Variants in NREP observed in about 807,000 individuals in gnomAD.
NREP encodes the protein neuronal regeneration-related protein.
NREP carries 5 observed loss-of-function variants against 8.6 expected under a neutral mutation model. The observed-to-expected ratio is 0.58, with a 90% CI of 0.30 to 1.22. NREP has a LOEUF of 1.22. Ranked by LOEUF, NREP falls within the 50% of genes most tolerant of loss-of-function variation. The probability of loss-of-function intolerance (pLI) is 0.07; values close to 1 mark genes in which losing one functional copy is unlikely to be tolerated. For synonymous variants in NREP, 27 were observed against 28.0 expected, an observed-to-expected ratio of 0.96 and a Z score of 0.11; for missense variants, 86 against 82.5, an observed-to-expected ratio of 1.04 and a Z score of -0.17.
intron 2 of NREP, among the ~76,000 whole-genome samples, chr5:111,805,593 T>C (rs557017500): frequency 6.6e-6 from 1 of 152,222 alleles, no homozygotes; most frequent in Non-Finnish European, 1.5e-5. Context: ...TGCACACGTA[T>C]GTACATATAT....
At chr5:111,965,155 G>A (rs1337575672) in intron 2 of NREP, among the ~76,000 whole-genome samples, 2 of 152,004 alleles carry the variant, frequency 1.3e-5, no homozygotes, top group East Asian at 3.9e-4. Flanking sequence ...ACTACACCCG[G>A]AGAGAGAAGA....
chr5:111,803,254 T>A (rs148519533), intron 2 of NREP, among the ~76,000 whole-genome samples: 1 of 152,280 alleles, frequency 6.6e-6, no homozygotes, highest in Non-Finnish European at 1.5e-5. Context: ...TGAGAGTAGG[T>A]AAACCCTTCA....
At chr5:111,880,214 T>G (rs923605386) in intron 2 of NREP, among the ~76,000 whole-genome samples, 1 of 152,186 alleles carries the variant, frequency 6.6e-6, no homozygotes, top group African/African-American at 2.4e-5. Flanking sequence ...GGTACCTACC[T>G]CATTGGGTTA....
chr5:111,919,973 A>ACC (rs34120230), intron 2 of NREP, among the ~76,000 whole-genome samples: 2 of 127,518 alleles, frequency 1.6e-5, no homozygotes, highest in South Asian at 6.4e-4. Flanking sequence ...TAAAAAGAAT[A>ACC]CCCCCCCCCC....
intron 2 of NREP, among the ~76,000 whole-genome samples, chr5:111,878,489 T>C (rs1265488261): frequency 6.6e-6 from 1 of 152,180 alleles, no homozygotes; most frequent in Non-Finnish European, 1.5e-5. Context: ...GCATCCATGA[T>C]TCAATCACCT....
intron 2 of NREP, among the ~76,000 whole-genome samples, chr5:111,965,081 T>G (rs915255720): frequency 6.6e-6 from 1 of 152,066 alleles, no homozygotes; most frequent in East Asian, 1.9e-4. Flanking sequence ...CACTTTGCTC[T>G]CAGGCCAGGC....
chr5:111,740,824 A>G (rs1056217003), intron 2 of NREP, among the ~76,000 whole-genome samples: 1 of 152,224 alleles, frequency 6.6e-6, no homozygotes, highest in Non-Finnish European at 1.5e-5. Flanking sequence ...CATTGCAGGT[A>G]AAATTTGAAT....
At chr5:111,737,954 T>C (rs1490978665) in intron 2 of NREP, among the ~76,000 whole-genome samples, 1 of 152,176 alleles carries the variant, frequency 6.6e-6, no homozygotes, top group Non-Finnish European at 1.5e-5. Flanking sequence ...AAAATGAACG[T>C]TGCTTTGGCC....
At chr5:111,809,870 CGTGTGT>C (rs3223253) in intron 2 of NREP, among the ~76,000 whole-genome samples, 10,874 of 143,838 alleles carry the variant, frequency 0.076, 427 homozygotes, top group African/African-American at 0.091. Flanking sequence ...GGGACTTTGG[CGTGTGT>C]GTGTGTGTGT....
Position 111,755,788 on chromosome 5 carries a change from C to T in NREP, c.-16G>A, listed in dbSNP as rs1461737239. On this transcript the variant is annotated 5_prime_UTR_variant, in exon 2 of 4. Coordinates refer to ENST00000257435, the MANE Select transcript of NREP (RefSeq NM_004772.4). ...GTCTTACCATTTTGAGAATCTTAGT[C>T]TTGGGCTTCTATTCTCCCTCTCTTC... The T allele has an allele frequency of 6.2e-7, 1 of 1,613,878 alleles. No individual in the cohort carries two copies. Among genetic ancestry groups the T allele is most frequent in the Non-Finnish European group, 8.5e-7 (1 of 1,179,808 alleles).
intron 2 of NREP, among the ~76,000 whole-genome samples, chr5:111,950,042 C>T (rs1756109859): frequency 6.6e-6 from 1 of 152,060 alleles, no homozygotes; most frequent in African/African-American, 2.4e-5. Flanking sequence ...TTTACACTCC[C>T]ACCAACAGTG....
At chr5:111,920,864 G>C (rs1755218759) in intron 2 of NREP, among the ~76,000 whole-genome samples, 1 of 152,144 alleles carries the variant, frequency 6.6e-6, no homozygotes, top group African/African-American at 2.4e-5. Flanking sequence ...AGTTCCCACT[G>C]TGTGAGCCAT....
At chr5:111,832,756 G>T (rs185558544) in intron 2 of NREP, among the ~76,000 whole-genome samples, 1 of 152,308 alleles carries the variant, frequency 6.6e-6, no homozygotes, top group East Asian at 1.9e-4. Flanking sequence ...CAGGCAAAAT[G>T]CCTGATAGCA....
At chr5:111,747,999 T>C (rs3797731) in intron 2 of NREP, among the ~76,000 whole-genome samples, 23,169 of 152,172 alleles carry the variant, frequency 0.15, 2,024 homozygotes, top group East Asian at 0.33. Flanking sequence ...AGTCAGACTA[T>C]TGAGACAAAC....
intron 2 of NREP, among the ~76,000 whole-genome samples, chr5:111,764,403 T>C (rs1382542568): frequency 6.6e-6 from 1 of 152,228 alleles, no homozygotes; most frequent in African/African-American, 2.4e-5. Context: ...TCCACATGGC[T>C]GGAGAGGCCT....
intron 2 of NREP, among the ~76,000 whole-genome samples, chr5:111,882,145 G>A (rs982152266): frequency 2.6e-5 from 4 of 152,350 alleles, no homozygotes; most frequent in East Asian, 1.9e-4. Flanking sequence ...AGGAGCTGAT[G>A]GAGCTGAAAG....
chr5:111,913,043 C>T (rs1388125037), intron 2 of NREP, among the ~76,000 whole-genome samples: 1 of 152,106 alleles, frequency 6.6e-6, no homozygotes, highest in African/African-American at 2.4e-5. Flanking sequence ...ATGTGTAAGA[C>T]ACCTACTGTA....
intron 2 of NREP, 120 bp from the exon 3 acceptor site, chr5:111,735,627 A>C: frequency 1.5e-6 from 1 of 664,758 alleles, no homozygotes; most frequent in South Asian, 1.9e-5. Flanking sequence ...ACTACCACTT[A>C]GAGCACTGGG....
chr5:111,873,314 T>G (rs1753831224), intron 2 of NREP, among the ~76,000 whole-genome samples: 1 of 152,138 alleles, frequency 6.6e-6, no homozygotes. Context: ...TACCATAAAC[T>G]TATGGACTGA....
Sources: allele counts gnomAD v4.1 joint callset (sites outside exome capture counted in the v4.1 genomes callset), GRCh38; gene constraint gnomAD v4.1.1; transcripts MANE v1.5; gene names NCBI Gene and HGNC (gene_info 2026-07-23, HGNC 2026-07-21).